The following CREB3L2 variants were observed in gnomAD, a reference collection of about 807,000 sequenced individuals.
The protein encoded by CREB3L2 is cyclic AMP-responsive element-binding protein 3-like protein 2.
CREB3L2 carries 23 observed loss-of-function variants against 57.2 expected under a neutral mutation model. That is an observed-to-expected ratio of 0.40 (90% CI 0.29 to 0.57). The LOEUF is 0.57. CREB3L2 is among the 20% of genes least tolerant of loss of function. The pLI is 0.42. For synonymous variants in CREB3L2, 268 were observed against 265.1 expected (o/e 1.01, Z -0.11); for missense variants, 628 against 634.7 (o/e 0.99, Z 0.11).
intron 1 of CREB3L2, among the ~76,000 whole-genome samples, chr7:137,945,175 G>A (rs141463796): frequency 0.018 from 2,700 of 152,094 alleles, 89 homozygotes; most frequent in African/African-American, 0.062. Context: ...GATTACAGGC[G>A]TGAGCCACCA....
At position 137,917,929 on chromosome 7, in the gene CREB3L2, G is replaced by A. The variant is rs187894868; in HGVS notation, c.320-1917C>T. ...CCACATCCTGGTGGAAGGGGAGGGC[G>A]GGGGAACAAAGGGCTCTCTGATGGC... is the stretch of plus-strand genomic sequence containing the variant. On this transcript the variant is annotated intron_variant, in intron 2 of 11. Coordinates refer to ENST00000330387, the MANE Select transcript of CREB3L2 (RefSeq NM_194071.4). 6.1e-4 allele frequency among the ~76,000 whole-genome samples: 93 copies of A among 152,156 alleles called. 2 individuals carry two copies. The East Asian group carries it at 0.014, about 23-fold the overall frequency.
intron 11 of CREB3L2, among the ~76,000 whole-genome samples, chr7:137,881,944 A>G (rs760136350): frequency 1.3e-5 from 2 of 152,368 alleles, no homozygotes; most frequent in South Asian, 2.1e-4. Flanking sequence ...TAATATGTAT[A>G]GTTTTAATTA....
At chr7:137,948,546 T>C (rs187293786) in intron 1 of CREB3L2, among the ~76,000 whole-genome samples, 42 of 152,322 alleles carry the variant, frequency 2.8e-4, no homozygotes, top group African/African-American at 9.1e-4. Flanking sequence ...TTTACTTACT[T>C]GCAGAAAGCC....
chr7:137,896,598 G>T (rs1585601024), intron 8 of CREB3L2, among the ~76,000 whole-genome samples: 2 of 152,166 alleles, frequency 1.3e-5, no homozygotes, highest in Non-Finnish European at 2.9e-5. Context: ...ACCGCGCCAG[G>T]TCTTAAATAT....
chr7:137,901,372 A>G lies in CREB3L2; in HGVS notation c.1025T>C (p.Val342Ala). Residue 342 changes from valine (V) to alanine (A), a missense_variant, in exon 8 of 12, where the codon GTT becomes GCT. Physicochemically the swap from Val to Ala is moderately conservative, Grantham distance 64. This residue lies in a region of CREB3L2 where 272 missense variants were observed against 242.7 expected (regional missense o/e 1.12). Transcript: ENST00000330387. ...CACTTACCTATTAGTGTTCTCTAGA[A>G]CCTCTACCTTCTTCCGAAGCTCCAA... ...ENLELRKKVE[V>A]LENTNRTLLQ... 1 of 1,602,238 alleles carries G rather than the reference A, an allele frequency of 6.2e-7. No homozygotes were observed. The highest frequency in any genetic ancestry group is 8.5e-7 in the Non-Finnish European group (1 of 1,169,590).
chr7:137,970,472 A>C (rs1801487665), intron 1 of CREB3L2, among the ~76,000 whole-genome samples: 1 of 152,178 alleles, frequency 6.6e-6, no homozygotes, highest in Non-Finnish European at 1.5e-5. Context: ...CCACCAAATA[A>C]AGTTCCTTAT....
chr7:137,907,732 A>C (rs948188834), intron 5 of CREB3L2, among the ~76,000 whole-genome samples: 1 of 152,224 alleles, frequency 6.6e-6, no homozygotes, highest in African/African-American at 2.4e-5. Flanking sequence ...GGAGGGATGA[A>C]CGAGGGGTCT....
rs58506555 is a variant in CREB3L2, at chr7:137,902,194, C to CAAAAA, written c.975-777_975-773dup. On this transcript the variant is annotated intron_variant, in intron 7 of 11. Transcript: ENST00000330387. ...GGGCCACAGAGCGAGACTCTGTCTC[C>CAAAAA]AAAAAAAAAAAAAAAAAAGAGGGAG... 2.2e-3 allele frequency among the ~76,000 whole-genome samples: 189 copies of CAAAAA among 84,954 alleles called. 17 individuals carry two copies. The highest frequency in any genetic ancestry group is 3.0e-3 in the Non-Finnish European group (123 of 41,060). The allele number at this position is 84,954 out of a possible 152,430, so 55.7% of individuals were successfully genotyped here. A position where few individuals can be genotyped will look rare whatever the true frequency, so the allele number is the denominator to read the frequency against.
Position 137,885,474 on chromosome 7 carries a change from G to C in CREB3L2, c.1072C>G (p.Gln358Glu). ...RTLLQQLQKL[Q>E]TLVMGKVSRT... ...GAAACCTTGCCCATCACCAAAGTCTGAAGCTTCTGGAGTTGCTGAAGGAGA... is the reference window on the plus strand; with the variant it reads ...GAAACCTTGCCCATCACCAAAGTCTCAAGCTTCTGGAGTTGCTGAAGGAGA... Residue 358 changes from glutamine (Q) to glutamate (E), a missense_variant, in exon 9 of 12, where the codon CAG becomes GAG. Physicochemically the swap from Gln to Glu is conservative, Grantham distance 29. Around this residue, in one of 3 missense-constraint regions of CREB3L2, gnomAD observed 272 missense variants for 242.7 expected, o/e 1.12. Transcript: ENST00000330387. 1 of 1,614,148 alleles carries C rather than the reference G, an allele frequency of 6.2e-7. No homozygotes were observed. Among genetic ancestry groups the C allele is most frequent in the Non-Finnish European group, 8.5e-7 (1 of 1,179,998 alleles).
Position 137,989,973 on chromosome 7 carries a change from T to C in CREB3L2, c.102+11631A>G, listed in dbSNP as rs139559699. On this transcript the variant is annotated intron_variant, in intron 1 of 11. Transcript: ENST00000330387. Reference sequence around the variant, plus strand: ...ATGGCATCTTATTCTACTCCATGGATGAAATAGCCAGCCAGAAGATCAACT... The same window carrying C: ...ATGGCATCTTATTCTACTCCATGGACGAAATAGCCAGCCAGAAGATCAACT... 4.5e-3 allele frequency among the ~76,000 whole-genome samples: 686 copies of C among 152,300 alleles called. 5 individuals are homozygous for C. Among genetic ancestry groups the C allele is most frequent in the African/African-American group, 0.016 (656 of 41,564 alleles).
At chr7:137,994,268 C>T (rs908440906) in intron 1 of CREB3L2, among the ~76,000 whole-genome samples, 6 of 152,204 alleles carry the variant, frequency 3.9e-5, no homozygotes, top group Admixed American at 2.6e-4. Context: ...AGGCTGAGGC[C>T]GGCAGTTTTA....
rs1799265147 is a variant in CREB3L2, at chr7:137,880,262, G to A, written c.*214C>T. Reference sequence around the variant, plus strand: ...TGGCAGTAAGAGAAAGGAAGGGAGGGATGCAGGCTCCCTTCTGCACAGGAG... The same window carrying A: ...TGGCAGTAAGAGAAAGGAAGGGAGGAATGCAGGCTCCCTTCTGCACAGGAG... On this transcript the variant is annotated 3_prime_UTR_variant, in exon 12 of 12. Coordinates refer to ENST00000330387, the MANE Select transcript of CREB3L2 (RefSeq NM_194071.4). The surrounding 1 kb of genome is among the most constrained non-coding windows in gnomAD (Gnocchi z 4.0). 1.1e-5 allele frequency: 6 copies of A among 569,736 alleles called. No individual in the cohort carries two copies. The highest frequency in any genetic ancestry group is 1.6e-5 in the Non-Finnish European group (5 of 314,596). The allele number at this position is 569,736 out of a possible 1,614,324, so 35.3% of individuals were successfully genotyped here. A position where few individuals can be genotyped will look rare whatever the true frequency, so the allele number is the denominator to read the frequency against.
chr7:137,888,640 G>A (rs1799474995), intron 8 of CREB3L2, among the ~76,000 whole-genome samples: 1 of 152,112 alleles, frequency 6.6e-6, no homozygotes, highest in African/African-American at 2.4e-5. Context: ...TAAGCCCACA[G>A]AAAAGACCAC....
chr7:137,973,767 A>C (rs934174359), intron 1 of CREB3L2, among the ~76,000 whole-genome samples: 1 of 152,228 alleles, frequency 6.6e-6, no homozygotes, highest in Non-Finnish European at 1.5e-5. Flanking sequence ...TCAATTATTC[A>C]GACAGGGCTT....
chr7:137,984,606 C>G (rs1801763973), intron 1 of CREB3L2, among the ~76,000 whole-genome samples: 1 of 152,338 alleles, frequency 6.6e-6, no homozygotes, highest in Middle Eastern at 3.4e-3. Context: ...GTTTAAATTA[C>G]CAAATGCTCA....
chr7:137,902,839 CAG>C (rs1162889709), intron 7 of CREB3L2, among the ~76,000 whole-genome samples: 1 of 151,552 alleles, frequency 6.6e-6, no homozygotes, highest in Non-Finnish European at 1.5e-5. Flanking sequence ...TTTTTTGAGA[CAG>C]AGTCTCACTC....
chr7:137,930,960 G>A (rs1464025735), intron 1 of CREB3L2, among the ~76,000 whole-genome samples: 1 of 149,922 alleles, frequency 6.7e-6, no homozygotes, highest in Non-Finnish European at 1.5e-5. Flanking sequence ...GGCTGGGCAA[G>A]GTGGCTCATG....
At chr7:137,906,640 C>T (rs1302366489) in intron 5 of CREB3L2, among the ~76,000 whole-genome samples, 1 of 152,114 alleles carries the variant, frequency 6.6e-6, no homozygotes, top group Non-Finnish European at 1.5e-5. Context: ...GCTCTGTGTC[C>T]CCACCCAAAT....
intron 1 of CREB3L2, among the ~76,000 whole-genome samples, chr7:137,930,609 G>A (rs1396450436): frequency 6.6e-6 from 1 of 152,220 alleles, no homozygotes. Context: ...AGTCCCTAAA[G>A]AGTTAGAACG....
Sources: gnomAD v4.1 joint callset for allele counts (sites outside exome capture counted in the v4.1 genomes callset) on GRCh38, gnomAD v4.1.1 for gene constraint, gnomAD v4.1.1 regional missense constraint, Gnocchi (gnomAD v3.1) non-coding constraint, MANE v1.5 for transcripts, NCBI Gene and HGNC (gene_info 2026-07-23, HGNC 2026-07-21) for gene names.